The following UTRN variants were observed in gnomAD, a reference collection of about 807,000 sequenced individuals.
UTRN encodes the protein dystrophin-related protein 1.
UTRN carries 283 observed loss-of-function variants against 463.9 expected under a neutral mutation model. The ratio of observed to expected loss-of-function variants is 0.61; its 90% CI spans 0.55 to 0.67. The LOEUF (loss-of-function observed/expected upper bound fraction) is 0.67. Ranked by LOEUF, UTRN falls within the 30% of genes least tolerant of loss-of-function variation. The pLI, the probability that UTRN is intolerant of heterozygous loss-of-function variation, is 0.00. For synonymous variants in UTRN, 1,442 were observed against 1,431.5 expected, an observed-to-expected ratio of 1.01 and a Z score of -0.17; for missense variants, 3,922 against 4,084.3, an observed-to-expected ratio of 0.96 and a Z score of 1.08.
chr6:144,488,906 A>G (rs1297436737), intron 30 of UTRN, 72 bp downstream of exon 30: 2 of 1,377,512 alleles, frequency 1.5e-6, no homozygotes, highest in Non-Finnish European at 1.9e-6. Context: ...ACTATAAGAG[A>G]ACCCCTCCTG....
chr6:144,514,012 C>A lies in UTRN; in HGVS notation c.5048C>A (p.Thr1683Lys). ...ALLDEIEKKP[T>K]SKQEEIVKRL... ...TTGGATGAAATTGAAAAGAAACCAA[C>A]AAGTAAACAGGAAGAAATTGTGAAG... Residue 1683 changes from threonine (T) to lysine (K), a missense_variant, in exon 36 of 75, where the codon ACA becomes AAA. Thr to Lys is a moderately conservative substitution (Grantham distance 78). This residue lies in a region of UTRN where 2,349 missense variants were observed against 2,303.8 expected (regional missense o/e 1.02). Coordinates refer to ENST00000367545, the MANE Select transcript of UTRN (RefSeq NM_007124.3). The A allele has an allele frequency of 6.2e-7, 1 of 1,613,940 alleles. No individual in the cohort carries two copies. The highest frequency in any genetic ancestry group is 8.5e-7 in the Non-Finnish European group (1 of 1,179,904).
At chr6:144,756,833 C>T (rs1441523994) in intron 57 of UTRN, among the ~76,000 whole-genome samples, 1 of 152,010 alleles carries the variant, frequency 6.6e-6, no homozygotes, top group African/African-American at 2.4e-5. Context: ...TGAGCTCGAC[C>T]GTTTATTTAC....
chr6:144,483,044 A>T (rs1792056251), intron 27 of UTRN, among the ~76,000 whole-genome samples: 1 of 152,230 alleles, frequency 6.6e-6, no homozygotes. Flanking sequence ...CTTTCAATTT[A>T]CAACAATTTA....
intron 51 of UTRN, among the ~76,000 whole-genome samples, chr6:144,580,696 T>C (rs1801891597): frequency 6.6e-6 from 1 of 152,164 alleles, no homozygotes; most frequent in Admixed American, 6.5e-5. Flanking sequence ...GTCCAGCTCA[T>C]AGAGGGTCTT....
At chr6:144,603,363 C>G (rs949130697) in intron 51 of UTRN, among the ~76,000 whole-genome samples, 1 of 152,054 alleles carries the variant, frequency 6.6e-6, no homozygotes, top group Non-Finnish European at 1.5e-5. Context: ...AAAGGCTGTC[C>G]CAATGTCTAC....
At chr6:144,428,424 T>G (rs980354916) in intron 7 of UTRN, among the ~76,000 whole-genome samples, 1 of 81,816 alleles carries the variant, frequency 1.2e-5, no homozygotes, top group Admixed American at 1.5e-4. Flanking sequence ...TTTTCTGTGG[T>G]TTTTTTTTTT....
At chr6:144,696,757 A>G (rs1784045758) in intron 52 of UTRN, among the ~76,000 whole-genome samples, 1 of 152,176 alleles carries the variant, frequency 6.6e-6, no homozygotes, top group African/African-American at 2.4e-5. Flanking sequence ...TATCTGCCAG[A>G]GTGGGTGCTC....
intron 2 of UTRN, among the ~76,000 whole-genome samples, chr6:144,324,902 G>A (rs927297710): frequency 2.0e-5 from 3 of 152,184 alleles, no homozygotes; most frequent in Non-Finnish European, 1.5e-5. Context: ...ATTGTTTGAG[G>A]TTGGTTCAGG....
At chr6:144,322,173 A>G (rs1236981108) in intron 2 of UTRN, among the ~76,000 whole-genome samples, 2 of 152,244 alleles carry the variant, frequency 1.3e-5, no homozygotes, top group Non-Finnish European at 2.9e-5. Context: ...TTACAAGCAA[A>G]TTTATGAAAT....
chr6:144,491,637 T>A (rs1793085763), intron 32 of UTRN, among the ~76,000 whole-genome samples: 1 of 152,198 alleles, frequency 6.6e-6, no homozygotes, highest in Non-Finnish European at 1.5e-5. Flanking sequence ...GGGGACACAA[T>A]CTTAGAATTA....
intron 2 of UTRN, among the ~76,000 whole-genome samples, chr6:144,382,114 G>A (rs1352328618): frequency 6.6e-6 from 1 of 152,004 alleles, no homozygotes; most frequent in Non-Finnish European, 1.5e-5. Flanking sequence ...GTGATGTTGA[G>A]CTTTTTTTAA....
intron 65 of UTRN, among the ~76,000 whole-genome samples, chr6:144,819,647 C>T (rs560252385): frequency 2.0e-5 from 3 of 152,080 alleles, no homozygotes; most frequent in East Asian, 1.9e-4. Flanking sequence ...GAGCTGAGAT[C>T]GTGCCATTGC....
At chr6:144,592,566 T>C (rs1038578797) in intron 51 of UTRN, among the ~76,000 whole-genome samples, 1 of 152,128 alleles carries the variant, frequency 6.6e-6, no homozygotes, top group African/African-American at 2.4e-5. Context: ...AGACGGAGTT[T>C]CACCATGTTG....
chr6:144,629,199 C>G (rs1040978725), intron 51 of UTRN, among the ~76,000 whole-genome samples: 3 of 151,772 alleles, frequency 2.0e-5, no homozygotes, highest in African/African-American at 4.8e-5. Flanking sequence ...CTTATTTGCT[C>G]TTACTTATTT....
At chr6:144,421,773 AT>A (rs1784855958) in intron 3 of UTRN, 104 bp from the exon 4 acceptor site, 4 of 692,446 alleles carry the variant, frequency 5.8e-6, no homozygotes, top group Non-Finnish European at 8.8e-6. Flanking sequence ...CATCCACAAC[AT>A]TTTAATTGAG....
At chr6:144,557,698 C>G (rs1799515174) in intron 50 of UTRN, among the ~76,000 whole-genome samples, 1 of 151,940 alleles carries the variant, frequency 6.6e-6, no homozygotes, top group African/African-American at 2.4e-5. Context: ...GAATAGCGTG[C>G]TATTTGGGTG....
At chr6:144,823,059 G>GT (rs1173176930) in intron 66 of UTRN, among the ~76,000 whole-genome samples, 1 of 151,970 alleles carries the variant, frequency 6.6e-6, no homozygotes, top group East Asian at 1.9e-4. Context: ...ACTCTATTAG[G>GT]TAAAAATTAA....
chr6:144,757,794 C>G, intron 57 of UTRN, 135 bp from the exon 58 acceptor site: 1 of 698,268 alleles, frequency 1.4e-6, no homozygotes, highest in Non-Finnish European at 2.3e-6. Context: ...CCCAGTGGAT[C>G]TCATAATTAT....
intron 65 of UTRN, among the ~76,000 whole-genome samples, chr6:144,804,930 G>GGAGTTTGTTTTTCAGGCAGACGCTTTAA (rs1778012976): frequency 6.6e-6 from 1 of 152,128 alleles, no homozygotes; most frequent in African/African-American, 2.4e-5. Context: ...TTGGCAGTCT[G>GGAGTTTGTTTTTCAGGCAGACGCTTTAA]GAGTTTGTTT....
Sources: gnomAD v4.1 joint callset for allele counts (sites outside exome capture counted in the v4.1 genomes callset) on GRCh38, gnomAD v4.1.1 for gene constraint, gnomAD v4.1.1 regional missense constraint, MANE v1.5 for transcripts, NCBI Gene and HGNC (gene_info 2026-07-23, HGNC 2026-07-21) for gene names.